TRIQK: variants seen among roughly 807,000 people sequenced by gnomAD.
TRIQK encodes the protein triple QxxK/R motif-containing protein.
A neutral mutation model predicts 10.8 loss-of-function variants in TRIQK; 10 were observed. The observed-to-expected ratio is 0.92, with a 90% confidence interval of 0.57 to 1.57. TRIQK has a LOEUF of 1.57. Among genes scored for constraint, TRIQK ranks in the 40% most tolerant of loss-of-function variants. The probability of loss-of-function intolerance (pLI) is 0.00; values close to 1 mark genes in which losing one functional copy is unlikely to be tolerated. For missense variants in TRIQK, 107 were observed against 97.7 expected (o/e 1.09, Z -0.40); for synonymous variants, 33 against 33.7 (o/e 0.98, Z 0.07).
chr8:92,903,934 G>A (rs1446377375), intron 3 of TRIQK, among the ~76,000 whole-genome samples: 1 of 152,046 alleles, frequency 6.6e-6, no homozygotes, highest in African/African-American at 2.4e-5. Flanking sequence ...GCAATGGGCA[G>A]ACAATCAAAG....
intron 3 of TRIQK, among the ~76,000 whole-genome samples, chr8:92,912,003 A>G (rs1267235231): frequency 6.6e-6 from 1 of 151,088 alleles, no homozygotes; most frequent in East Asian, 1.9e-4. Flanking sequence ...ATAGTAGTCA[A>G]AAATGGATAG....
At chr8:92,997,593 T>C (rs535232554) in intron 1 of TRIQK, among the ~76,000 whole-genome samples, 147 of 152,192 alleles carry the variant, frequency 9.7e-4, no homozygotes, top group African/African-American at 3.3e-3. Flanking sequence ...TTTTGAAACA[T>C]TGAAGAATAT....
chr8:92,907,103 G>A (rs1372174572), intron 3 of TRIQK, among the ~76,000 whole-genome samples: 1 of 152,106 alleles, frequency 6.6e-6, no homozygotes, highest in African/African-American at 2.4e-5. Flanking sequence ...AAAAATAAGG[G>A]AAAAGGAAAA....
intron 1 of TRIQK, among the ~76,000 whole-genome samples, chr8:92,978,512 G>A (rs2130742236): frequency 6.6e-6 from 1 of 152,088 alleles, no homozygotes; most frequent in East Asian, 1.9e-4. Context: ...GGGGGGTCTA[G>A]GAGGATGTTT....
chr8:92,889,914 T>C (rs1338134916), intron 4 of TRIQK, among the ~76,000 whole-genome samples: 2 of 151,688 alleles, frequency 1.3e-5, no homozygotes, highest in African/African-American at 4.8e-5. Flanking sequence ...ATATTTTCTA[T>C]AGATATGAAT....
At chr8:92,892,612 T>C (rs1351919614) in intron 3 of TRIQK, among the ~76,000 whole-genome samples, 1 of 151,626 alleles carries the variant, frequency 6.6e-6, no homozygotes, top group East Asian at 1.9e-4. Context: ...AAAATATTTC[T>C]TTTATTTCCT....
chr8:92,961,535 G>C (rs1277570685), intron 1 of TRIQK, among the ~76,000 whole-genome samples: 1 of 152,128 alleles, frequency 6.6e-6, no homozygotes, highest in African/African-American at 2.4e-5. Context: ...TGACTGGAAA[G>C]TTATTAATAC....
upstream of TRIQK, among the ~76,000 whole-genome samples, chr8:92,969,743 A>G (rs894859283): frequency 2.0e-5 from 3 of 151,900 alleles, no homozygotes; most frequent in African/African-American, 7.3e-5. Flanking sequence ...ATCTCCAACT[A>G]TGCTTGTGCA....
chr8:92,901,986 G>C (rs1808964576), intron 3 of TRIQK, among the ~76,000 whole-genome samples: 1 of 152,094 alleles, frequency 6.6e-6, no homozygotes, highest in Admixed American at 6.6e-5. Flanking sequence ...ATGAGTCTAG[G>C]AATTTATCCA....
intron 2 of TRIQK, among the ~76,000 whole-genome samples, chr8:92,932,542 G>A (rs780214258): frequency 3.6e-4 from 54 of 152,036 alleles, no homozygotes; most frequent in Middle Eastern, 3.4e-3. Flanking sequence ...TAAGTATTTG[G>A]TGTGGAGGTG....
intron 1 of TRIQK, among the ~76,000 whole-genome samples, chr8:93,011,836 A>T (rs2130763793): frequency 6.6e-6 from 1 of 152,306 alleles, no homozygotes; most frequent in East Asian, 1.9e-4. Flanking sequence ...TGATCCAAGT[A>T]AAACAACTAA....
intron 4 of TRIQK, among the ~76,000 whole-genome samples, chr8:92,887,117 T>C (rs1176597204): frequency 6.6e-6 from 1 of 151,642 alleles, no homozygotes; most frequent in Non-Finnish European, 1.5e-5. Context: ...TTAACTTTAT[T>C]TGTGGCTTCA....
At chr8:92,952,836 A>G (rs576634700) in intron 2 of TRIQK, among the ~76,000 whole-genome samples, 46 of 152,010 alleles carry the variant, frequency 3.0e-4, no homozygotes, top group Non-Finnish European at 4.7e-4. Flanking sequence ...GCTTTGACCA[A>G]TGAAACTCTA....
At chr8:92,936,502 A>G (rs1006529742) in intron 2 of TRIQK, among the ~76,000 whole-genome samples, 1 of 151,636 alleles carries the variant, frequency 6.6e-6, no homozygotes, top group Non-Finnish European at 1.5e-5. Flanking sequence ...CAAGGAATTT[A>G]GTATATAGAA....
chr8:92,951,286 G>A (rs1811890818), intron 2 of TRIQK, among the ~76,000 whole-genome samples: 1 of 152,004 alleles, frequency 6.6e-6, no homozygotes, highest in South Asian at 2.1e-4. Flanking sequence ...CTGTATGTAA[G>A]GAGCTTAGAA....
At chr8:93,007,903 A>G (rs1295377236) in intron 1 of TRIQK, among the ~76,000 whole-genome samples, 1 of 152,208 alleles carries the variant, frequency 6.6e-6, no homozygotes, top group East Asian at 1.9e-4. Context: ...ATGCCCATCA[A>G]TGATAGACTG....
chr8:92,968,388 C>A (rs1812838300), upstream of TRIQK, among the ~76,000 whole-genome samples: 1 of 152,164 alleles, frequency 6.6e-6, no homozygotes, highest in African/African-American at 2.4e-5. Flanking sequence ...CTGTCTTCTA[C>A]AATGGTTGAA....
At chr8:92,919,645 C>T (rs1466905287) in intron 2 of TRIQK, among the ~76,000 whole-genome samples, 3 of 151,530 alleles carry the variant, frequency 2.0e-5, no homozygotes, top group Non-Finnish European at 4.4e-5. Flanking sequence ...AGAGTAATGC[C>T]AGCCTTGTAA....
At position 92,885,047 on chromosome 8, in the gene TRIQK, G is replaced by A. The variant is rs1211981014; in HGVS notation, c.*1575C>T. 2.2e-6 allele frequency: 1 copy of A among 454,424 alleles called. No individual in the cohort carries two copies. The highest frequency in any genetic ancestry group is 2.0e-5 in the African/African-American group (1 of 49,910). 28.1% of individuals were successfully genotyped at this position (454,424 alleles called of 1,614,324 possible). On this transcript the variant is annotated 3_prime_UTR_variant, in exon 5 of 5. Coordinates refer to ENST00000521988, the MANE Select transcript of TRIQK (RefSeq NM_001171797.2). The stretch of plus-strand genomic sequence containing the variant: ...CTGTGGTGAGTATATAAGAACTCTT[G>A]GTCTGTCTCTTGAGTCTGTGAGTTC...
Sources: gnomAD v4.1 joint callset for allele counts (sites outside exome capture counted in the v4.1 genomes callset) on GRCh38, gnomAD v4.1.1 for gene constraint, MANE v1.5 for transcripts, NCBI Gene and HGNC (gene_info 2026-07-23, HGNC 2026-07-21) for gene names.